Variants in PHF20 observed in about 807,000 individuals in gnomAD.
PHF20 encodes the protein PHD finger protein 20, also known as glioma-expressed antigen 2.
PHF20 carries 23 observed loss-of-function variants against 113.5 expected under a neutral mutation model. The observed-to-expected ratio is 0.20, with a 90% CI of 0.15 to 0.29. PHF20 has a LOEUF of 0.29. PHF20 is among the 10% of genes least tolerant of loss of function. PHF20 has a pLI of 1.00. For missense variants in PHF20, 943 were observed against 1,219.6 expected (o/e 0.77, Z 3.38); for synonymous variants, 434 against 457.3 (o/e 0.95, Z 0.65).
At chr20:35,875,338 C>T (rs2054500925) in intron 9 of PHF20, among the ~76,000 whole-genome samples, 1 of 150,798 alleles carries the variant, frequency 6.6e-6, no homozygotes. Context: ...GCAGAGGTTG[C>T]AGTGAGTTGA....
intron 10 of PHF20, among the ~76,000 whole-genome samples, chr20:35,904,669 AGTT>A (rs921935961): frequency 2.6e-5 from 4 of 152,028 alleles, no homozygotes; most frequent in African/African-American, 9.7e-5. Context: ...CAGAAGTAGT[AGTT>A]CTGGTCTGAG....
At chr20:35,805,699 C>G (rs770624040) in intron 2 of PHF20, among the ~76,000 whole-genome samples, 1 of 151,880 alleles carries the variant, frequency 6.6e-6, no homozygotes, top group Non-Finnish European at 1.5e-5. Context: ...AGGCTGATCT[C>G]GAATTCCTGG....
chr20:35,808,478 T>G (rs1254411919), intron 2 of PHF20, among the ~76,000 whole-genome samples: 3 of 152,186 alleles, frequency 2.0e-5, no homozygotes, highest in Non-Finnish European at 4.4e-5. Context: ...GGAAGTTTTT[T>G]TTTTTTCAGC....
chr20:35,877,703 C>T (rs2147004494), intron 9 of PHF20, among the ~76,000 whole-genome samples: 2 of 152,054 alleles, frequency 1.3e-5, no homozygotes, highest in South Asian at 4.2e-4. Flanking sequence ...CAGCCTCAGA[C>T]CCTATTCTAA....
At chr20:35,916,073 G>C (rs2147088226) in intron 12 of PHF20, among the ~76,000 whole-genome samples, 1 of 152,296 alleles carries the variant, frequency 6.6e-6, no homozygotes, top group East Asian at 1.9e-4. Flanking sequence ...GGAGGTCAAG[G>C]CTGCAGTGAG....
At chr20:35,907,254 G>C (rs1206103195) in intron 10 of PHF20, among the ~76,000 whole-genome samples, 1 of 152,192 alleles carries the variant, frequency 6.6e-6, no homozygotes, top group East Asian at 1.9e-4. Context: ...AGAGTCAGCT[G>C]TATGGAGGAG....
chr20:35,857,306 T>A (rs1185438278), intron 4 of PHF20, among the ~76,000 whole-genome samples: 1 of 152,194 alleles, frequency 6.6e-6, no homozygotes, highest in Non-Finnish European at 1.5e-5. Context: ...GGACACCTTA[T>A]TTGGGAAGAT....
At chr20:35,927,061 CT>C (rs2055654303) in intron 13 of PHF20, among the ~76,000 whole-genome samples, 1 of 152,166 alleles carries the variant, frequency 6.6e-6, no homozygotes, top group African/African-American at 2.4e-5. Flanking sequence ...CAACTCCCTC[CT>C]TTCCCTCTCT....
In PHF20 at chr20:35,821,752, C is replaced by T. The variant is rs564612650; in HGVS notation, c.83+20147C>T. Among the ~76,000 whole-genome samples, 65 of 152,116 alleles carry T rather than the reference C, an allele frequency of 4.3e-4. No individual in the cohort carries two copies. The South Asian group carries it at 0.013, about 31-fold the overall frequency. ...AGAGCAAGGATCTTTTGTATTAGTC[C>T]ATGTGAAAGATGATAGTTGTTTGAA... On this transcript the variant is annotated intron_variant, in intron 2 of 17. Transcript: ENST00000374012.
chr20:35,813,265 G>A (rs2042010100), intron 2 of PHF20, among the ~76,000 whole-genome samples: 1 of 151,432 alleles, frequency 6.6e-6, no homozygotes, highest in South Asian at 2.2e-4. Flanking sequence ...GAGCCACCGC[G>A]CCCGGCCCAT....
At chr20:35,926,323 C>T (rs2055632975) in intron 13 of PHF20, among the ~76,000 whole-genome samples, 3 of 145,606 alleles carry the variant, frequency 2.1e-5, no homozygotes, top group South Asian at 2.2e-4. Context: ...CTGCAAGCTC[C>T]GCCTCCCAGG....
intron 1 of PHF20, among the ~76,000 whole-genome samples, chr20:35,773,558 C>T (rs1355059112): frequency 6.6e-6 from 1 of 152,186 alleles, no homozygotes; most frequent in Non-Finnish European, 1.5e-5. Context: ...GGGCTACCAG[C>T]ACATTGTTTT....
chr20:35,874,543 G>T (rs1191792103), intron 9 of PHF20, among the ~76,000 whole-genome samples: 1 of 151,822 alleles, frequency 6.6e-6, no homozygotes, highest in African/African-American at 2.4e-5. Context: ...GAGTGCAGTG[G>T]CACAATCACA....
intron 1 of PHF20, among the ~76,000 whole-genome samples, chr20:35,775,679 G>A (rs868463010): frequency 1.4e-4 from 21 of 150,956 alleles, no homozygotes; most frequent in African/African-American, 3.9e-4. Context: ...GCTTGAACCC[G>A]GGAGGCGGAG....
chr20:35,808,748 A>G (rs1387970466), intron 2 of PHF20, among the ~76,000 whole-genome samples: 5 of 150,644 alleles, frequency 3.3e-5, no homozygotes, highest in East Asian at 2.0e-4. Context: ...AATTTTTTCT[A>G]TTTTTAGTAG....
intron 14 of PHF20, among the ~76,000 whole-genome samples, chr20:35,930,623 A>G (rs2055734749): frequency 6.6e-6 from 1 of 152,148 alleles, no homozygotes; most frequent in Non-Finnish European, 1.5e-5. Flanking sequence ...GCAGTGAGCC[A>G]TGATCATGCC....
intron 2 of PHF20, among the ~76,000 whole-genome samples, chr20:35,840,165 T>A (rs1278204915): frequency 6.6e-6 from 1 of 152,134 alleles, no homozygotes; most frequent in Non-Finnish European, 1.5e-5. Context: ...AAAATACAGA[T>A]AGAATGTAAA....
intron 1 of PHF20, among the ~76,000 whole-genome samples, chr20:35,778,201 A>G (rs927563928): frequency 3.2e-4 from 48 of 152,290 alleles, no homozygotes; most frequent in African/African-American, 1.1e-3. Context: ...CTTGTGCCTC[A>G]GCCTCCTGAG....
At chr20:35,873,510 C>A (rs2054464262) in intron 9 of PHF20, among the ~76,000 whole-genome samples, 2 of 143,838 alleles carry the variant, frequency 1.4e-5, no homozygotes, top group East Asian at 2.0e-4. Context: ...GCTCTATCGC[C>A]CAGGCTGGAG....
Sources: gnomAD v4.1 joint callset for allele counts (sites outside exome capture counted in the v4.1 genomes callset) on GRCh38, gnomAD v4.1.1 for gene constraint, MANE v1.5 for transcripts, NCBI Gene and HGNC (gene_info 2026-07-23, HGNC 2026-07-21) for gene names.